PHF24: variants seen among roughly 807,000 people sequenced by gnomAD.
PHF24 encodes PHD finger protein 24, also known as Galpha inhibitory interacting protein.
In PHF24, 25 loss-of-function variants were observed where a neutral mutation model predicts 42.6. The ratio of observed to expected loss-of-function variants is 0.59; its 90% confidence interval spans 0.43 to 0.82. PHF24 has a LOEUF of 0.82. PHF24 is among the 40% of genes least tolerant of loss of function. PHF24 has a pLI of 0.00. For synonymous variants in PHF24, 185 were observed against 204.8 expected (o/e 0.90, Z 0.83); for missense variants, 470 against 538.1 (o/e 0.87, Z 1.25).
chr9:34,861,358 T>C, the PHF24 span, among the ~76,000 whole-genome samples: 1 of 152,212 alleles, frequency 6.6e-6, no homozygotes, highest in Admixed American at 6.5e-5. Flanking sequence ...GCCACTTTAG[T>C]CCCACCTTTA....
At chr9:34,797,274 T>C in the PHF24 span, among the ~76,000 whole-genome samples, 1 of 152,202 alleles carries the variant, frequency 6.6e-6, no homozygotes, top group Non-Finnish European at 1.5e-5. Flanking sequence ...TACAGAGTGC[T>C]CTTTTAGTTT....
At chr9:34,895,715 C>T in the PHF24 span, 1 of 404,708 alleles carries the variant, frequency 2.5e-6, no homozygotes, top group Non-Finnish European at 4.4e-6. Flanking sequence ...AAAGGTAGGG[C>T]TCAACATGAT....
At chr9:34,950,838 C>T in the PHF24 span, among the ~76,000 whole-genome samples, 2 of 151,890 alleles carry the variant, frequency 1.3e-5, no homozygotes, top group African/African-American at 4.8e-5. Flanking sequence ...TAGAGTTTAA[C>T]AAAATTATCA....
the PHF24 span, among the ~76,000 whole-genome samples, chr9:34,776,289 T>C: frequency 6.6e-6 from 1 of 152,212 alleles, no homozygotes; most frequent in Non-Finnish European, 1.5e-5. Flanking sequence ...CAAGATTACA[T>C]GCCACTGTTT....
At chr9:34,797,577 T>A in the PHF24 span, among the ~76,000 whole-genome samples, 2 of 152,150 alleles carry the variant, frequency 1.3e-5, no homozygotes, top group African/African-American at 4.8e-5. Context: ...CCAGTCGATA[T>A]CCTGCGGTGT....
chr9:34,950,024 GAA>G, the PHF24 span, among the ~76,000 whole-genome samples: 1 of 151,204 alleles, frequency 6.6e-6, no homozygotes, highest in African/African-American at 2.4e-5. Flanking sequence ...AAAAAAGAAA[GAA>G]AGAAATCATA....
At chr9:34,838,654 A>G in the PHF24 span, 1 of 510,222 alleles carries the variant, frequency 2.0e-6, no homozygotes, top group South Asian at 3.2e-5. Context: ...TTCATAAGGT[A>G]CATGTAGTAG....
chr9:34,710,324 C>G, the PHF24 span, among the ~76,000 whole-genome samples: 2 of 152,178 alleles, frequency 1.3e-5, no homozygotes, highest in Non-Finnish European at 2.9e-5. Flanking sequence ...TGGGCCTGAG[C>G]CTTCCTTCTA....
At chr9:34,813,460 G>T in the PHF24 span, among the ~76,000 whole-genome samples, 1 of 152,120 alleles carries the variant, frequency 6.6e-6, no homozygotes, top group African/African-American at 2.4e-5. Context: ...CTTGCTTGTG[G>T]TCTCATAGGC....
the PHF24 span, among the ~76,000 whole-genome samples, chr9:34,800,819 G>C: frequency 6.6e-6 from 1 of 152,104 alleles, no homozygotes; most frequent in Non-Finnish European, 1.5e-5. Context: ...TTGACAAATG[G>C]GATCTAATTA....
At chr9:34,829,120 G>C in the PHF24 span, among the ~76,000 whole-genome samples, 3 of 152,048 alleles carry the variant, frequency 2.0e-5, no homozygotes, top group African/African-American at 7.2e-5. Flanking sequence ...ATGGATTTTT[G>C]AAGTAAAGAC....
intron 3 of PHF24, among the ~76,000 whole-genome samples, chr9:34,974,118 C>T (rs2132917781): frequency 6.6e-6 from 1 of 152,336 alleles, no homozygotes; most frequent in African/African-American, 2.4e-5. Context: ...ATCCTCCTGC[C>T]TCAGCTTCCT....
chr9:34,907,539 G>A, the PHF24 span, among the ~76,000 whole-genome samples: 2 of 152,120 alleles, frequency 1.3e-5, no homozygotes, highest in African/African-American at 4.8e-5. Flanking sequence ...CTCTGAAGAC[G>A]AAGTGTGGTT....
chr9:34,931,116 G>A, the PHF24 span, among the ~76,000 whole-genome samples: 4 of 152,092 alleles, frequency 2.6e-5, no homozygotes, highest in African/African-American at 4.8e-5. Context: ...GGTGGCTCAC[G>A]CCTGTAATCT....
chr9:34,889,100 C>A, the PHF24 span: 1 of 398,556 alleles, frequency 2.5e-6, no homozygotes, highest in Non-Finnish European at 4.4e-6. Flanking sequence ...TTGGAGAATG[C>A]CCTGCTTCAC....
chr9:34,843,292 C>T, the PHF24 span, among the ~76,000 whole-genome samples: 1 of 152,114 alleles, frequency 6.6e-6, no homozygotes, highest in Non-Finnish European at 1.5e-5. Flanking sequence ...TGCATGAAAA[C>T]ATTATTAATG....
At position 34,972,559 on chromosome 9, in the gene PHF24, G is replaced by A. The variant is rs185139707; in HGVS notation, c.564+28G>A. 974 of 1,558,398 alleles carry A rather than the reference G, an allele frequency of 6.3e-4. 5 individuals are homozygous for A. Among genetic ancestry groups the A allele is most frequent in the Admixed American group, 2.3e-4 (12 of 52,704 alleles). ...AAGTCTGGACTGCAGGGACAGCAGAGGACTTGGCACTTTTCCTGGAGGCCC... is the reference window on the plus strand; with the variant it reads ...AAGTCTGGACTGCAGGGACAGCAGAAGACTTGGCACTTTTCCTGGAGGCCC... On this transcript the variant is annotated intron_variant, in intron 3 of 7. Transcript: ENST00000242315.
At chr9:34,696,822 C>A in the PHF24 span, among the ~76,000 whole-genome samples, 2 of 152,236 alleles carry the variant, frequency 1.3e-5, no homozygotes, top group Middle Eastern at 3.4e-3. Context: ...CCTTCCCTTC[C>A]GTTAGATAAT....
At chr9:34,681,904 C>G in the PHF24 span, among the ~76,000 whole-genome samples, 1 of 152,312 alleles carries the variant, frequency 6.6e-6, no homozygotes, top group Non-Finnish European at 1.5e-5. Flanking sequence ...CTCTTTGTCT[C>G]TCTCTGTCAC....
Sources: gnomAD v4.1 joint callset for allele counts (sites outside exome capture counted in the v4.1 genomes callset) on GRCh38, gnomAD v4.1.1 for gene constraint, MANE v1.5 for transcripts, NCBI Gene and HGNC (gene_info 2026-07-23, HGNC 2026-07-21) for gene names.